MEGF6: variants seen among roughly 807,000 people sequenced by gnomAD.
MEGF6 encodes multiple EGF like domains 6.
In MEGF6, 184 loss-of-function variants were observed where a neutral mutation model predicts 207.1. The ratio of observed to expected loss-of-function variants is 0.89; its 90% CI spans 0.79 to 1.00. MEGF6 has a LOEUF of 1.00. Among genes scored for constraint, MEGF6 ranks in the 50% least tolerant of loss-of-function variants. MEGF6 has a pLI of 0.00. For synonymous variants in MEGF6, 1,038 were observed against 910.0 expected, an observed-to-expected ratio of 1.14 and a Z score of -2.53; for missense variants, 2,282 against 2,202.9, an observed-to-expected ratio of 1.04 and a Z score of -0.72.
intron 1 of MEGF6, among the ~76,000 whole-genome samples, chr1:3,606,672 T>C (rs991044692): frequency 1.3e-5 from 2 of 152,216 alleles, no homozygotes; most frequent in South Asian, 2.1e-4. Context: ...AAGTGGGCCA[T>C]AGGAACTGCT....
Position 3,490,433 on chromosome 1 carries a change from C to T in MEGF6, c.*95G>A. 7.3e-7 allele frequency: 1 copy of T among 1,376,690 alleles called. No individual in the cohort carries two copies. The highest frequency in any genetic ancestry group is 1.0e-6 in the Non-Finnish European group (1 of 986,688). 85.3% of individuals were successfully genotyped at this position (1,376,690 alleles called of 1,614,324 possible). A position where few individuals can be genotyped will look rare whatever the true frequency, so the allele number is the denominator to read the frequency against. On this transcript the variant is annotated 3_prime_UTR_variant, in exon 37 of 37. Transcript: ENST00000356575. ...CTCAAAGGAAGGGCAGTACCAGGAG[C>T]TCTGGGCCCGTGAAGTGTCCTTCTC...
At chr1:3,521,257 AG>A (rs140001210) in intron 5 of MEGF6, among the ~76,000 whole-genome samples, 2,734 of 152,286 alleles carry the variant, frequency 0.018, 93 homozygotes, top group African/African-American at 0.062. Flanking sequence ...AGAGGGTGCC[AG>A]TGTGAACCAG....
At chr1:3,526,609 G>T (rs1236821076) in intron 4 of MEGF6, among the ~76,000 whole-genome samples, 1 of 152,122 alleles carries the variant, frequency 6.6e-6, no homozygotes, top group African/African-American at 2.4e-5. Flanking sequence ...ATGTTGGCCA[G>T]GCTGGTCTCC....
chr1:3,493,471 G>A (rs1038913182), intron 34 of MEGF6: 2 of 472,778 alleles, frequency 4.2e-6, no homozygotes, highest in Admixed American at 3.9e-5. Flanking sequence ...TCCACAGCTG[G>A]CAGATCAGGG....
chr1:3,551,988 C>A (rs1557771130), intron 4 of MEGF6, among the ~76,000 whole-genome samples: 1 of 152,224 alleles, frequency 6.6e-6, no homozygotes, highest in Non-Finnish European at 1.5e-5. Context: ...GCAATCCCAG[C>A]CCCTTGAACC....
At chr1:3,563,983 C>G (rs1254661945) in intron 4 of MEGF6, among the ~76,000 whole-genome samples, 3 of 152,230 alleles carry the variant, frequency 2.0e-5, no homozygotes, top group African/African-American at 7.2e-5. Context: ...TAGGCACAAA[C>G]AGCAACTGCT....
rs1570137344 is a variant in MEGF6, at chr1:3,560,023, A to G, written c.481+19802T>C. On this transcript the variant is annotated intron_variant, in intron 4 of 36. Coordinates refer to ENST00000356575, the MANE Select transcript of MEGF6 (RefSeq NM_001409.4). The surrounding 1 kb of genome is among the most constrained non-coding windows in gnomAD (Gnocchi z 4.0). ...AGAGTCCGTCTCAAAATAAAAGAAA[A>G]AAAAAAAAAAAAAGGAAACACGATG... is the stretch of plus-strand genomic sequence containing the variant. 2.0e-5 allele frequency among the ~76,000 whole-genome samples: 3 copies of G among 151,032 alleles called. No homozygotes were observed. The South Asian group carries it at 6.3e-4, about 32-fold the overall frequency.
Position 3,508,701 on chromosome 1 carries a change from C to A in MEGF6, c.1529-12G>T. The A allele has an allele frequency of 6.2e-7, 1 of 1,612,264 alleles. No individual in the cohort carries two copies. Among genetic ancestry groups the A allele is most frequent in the Non-Finnish European group, 8.5e-7 (1 of 1,179,436 alleles). On this transcript the variant is annotated splice_polypyrimidine_tract_variant and intron_variant, in intron 12 of 36. Coordinates refer to ENST00000356575, the MANE Select transcript of MEGF6 (RefSeq NM_001409.4). The stretch of plus-strand genomic sequence containing the variant: ...GTCATCCAGGCAGACTGGGGGCAGA[C>A]CAGGATGGGGGGATTCAGAGCCTGA...
At chr1:3,598,033 C>T (rs544550533) in intron 2 of MEGF6, among the ~76,000 whole-genome samples, 16 of 152,296 alleles carry the variant, frequency 1.1e-4, no homozygotes, top group African/African-American at 3.4e-4. Flanking sequence ...AAAGAGAAAT[C>T]GAAGGAGTAG....
chr1:3,523,012 A>G (rs944595572), intron 5 of MEGF6, among the ~76,000 whole-genome samples: 1 of 151,418 alleles, frequency 6.6e-6, no homozygotes, highest in South Asian at 2.1e-4. Flanking sequence ...TTTCAGACCC[A>G]GGGAAACTTT....
intron 4 of MEGF6, among the ~76,000 whole-genome samples, chr1:3,548,823 T>G (rs1223356811): frequency 6.6e-6 from 1 of 152,132 alleles, no homozygotes; most frequent in African/African-American, 2.4e-5. Flanking sequence ...ACCCCGACCC[T>G]GCTAGGCTCC....
intron 26 of MEGF6, among the ~76,000 whole-genome samples, chr1:3,497,792 G>A: frequency 6.6e-6 from 1 of 152,206 alleles, no homozygotes; most frequent in Non-Finnish European, 1.5e-5. Flanking sequence ...GCAGACCCAA[G>A]GCTCCTGACC....
chr1:3,614,546 G>A (rs750695890), upstream of MEGF6, among the ~76,000 whole-genome samples: 1 of 152,186 alleles, frequency 6.6e-6, no homozygotes, highest in Non-Finnish European at 1.5e-5. Context: ...CAGTCTGTGG[G>A]ACAGTTACTG....
intron 5 of MEGF6, among the ~76,000 whole-genome samples, chr1:3,519,434 A>T (rs1641661546): frequency 6.6e-6 from 1 of 152,212 alleles, no homozygotes; most frequent in Admixed American, 6.5e-5. Flanking sequence ...ACGGCGCACC[A>T]TGGGCACCCA....
rs779751634 is a variant in MEGF6 at position 3,560,696 on chromosome 1, T to C, written c.481+19129A>G. The C allele has an allele frequency of 1.3e-5, 6 of 455,820 alleles. No homozygotes were observed. The Admixed American group carries it at 1.5e-4, about 11-fold the overall frequency. 28.2% of individuals were successfully genotyped at this position (455,820 alleles called of 1,614,324 possible). ...CCATCAACCCCTCCCCATCTGTGGT[T>C]TCCAGGGCAACCCTGGAAACCAAGA... On this transcript the variant is annotated intron_variant, in intron 4 of 36. Transcript: ENST00000356575. The surrounding 1 kb of genome is among the most constrained non-coding windows in gnomAD (Gnocchi z 4.0).
chr1:3,589,017 TAGAAATGGGGTCTTTGC>T (rs1247817369), intron 3 of MEGF6, among the ~76,000 whole-genome samples: 3 of 152,018 alleles, frequency 2.0e-5, no homozygotes, highest in Non-Finnish European at 4.4e-5. Context: ...TGACCCTGCT[TAGAAATGGGGTCTTTGC>T]AGATGTGATG....
At chr1:3,499,350 T>C (rs1338816107) in intron 23 of MEGF6, 84 bp from the exon 24 acceptor site, 16 of 1,494,832 alleles carry the variant, frequency 1.1e-5, no homozygotes, top group African/African-American at 9.7e-5. Context: ...TGGGCAGATC[T>C]GCCGGGGTCC....
rs758478571 is a variant in MEGF6, at chr1:3,560,836, G to T, written c.481+18989C>A. 3.8e-5 allele frequency: 17 copies of T among 447,440 alleles called. No homozygotes were observed. Among genetic ancestry groups the T allele is most frequent in the Admixed American group, 3.0e-4 (12 of 39,656 alleles). The allele number at this position is 447,440 out of a possible 1,614,324, so 27.7% of individuals were successfully genotyped here. On this transcript the variant is annotated intron_variant, in intron 4 of 36. Coordinates refer to ENST00000356575, the MANE Select transcript of MEGF6 (RefSeq NM_001409.4). This position sits in a 1 kb window ranked among gnomAD's most constrained non-coding sequence, Gnocchi z 4.0. ...CCAGGAACAGCCTCAGGCGTCGGCC[G>T]CGAGGGGGTTGCTGGGCTGGCTGGT...
intron 4 of MEGF6, among the ~76,000 whole-genome samples, chr1:3,546,800 G>T (rs1435623881): frequency 2.1e-5 from 3 of 143,270 alleles, no homozygotes; most frequent in African/African-American, 7.7e-5. Flanking sequence ...GAAGGGGGCT[G>T]CCAGGGAGGC....
Sources: gnomAD v4.1 joint callset for allele counts (sites outside exome capture counted in the v4.1 genomes callset) on GRCh38, gnomAD v4.1.1 for gene constraint, Gnocchi (gnomAD v3.1) non-coding constraint, MANE v1.5 for transcripts, NCBI Gene and HGNC (gene_info 2026-07-23, HGNC 2026-07-21) for gene names.